Variants in CSMD1 observed in about 807,000 individuals in gnomAD.
The protein encoded by CSMD1 is CUB and sushi domain-containing protein 1.
A neutral mutation model predicts 417.5 loss-of-function variants in CSMD1; 213 were observed. The observed-to-expected ratio is 0.51, with a 90% CI of 0.46 to 0.57. CSMD1 has a LOEUF of 0.57. Ranked by LOEUF, CSMD1 falls within the 20% of genes least tolerant of loss-of-function variation. The pLI, the probability that CSMD1 is intolerant of heterozygous loss-of-function variation, is 0.00. For synonymous variants in CSMD1, 2,862 were observed against 1,736.8 expected, an observed-to-expected ratio of 1.65 and a Z score of -16.11; for missense variants, 6,923 against 4,529.7, an observed-to-expected ratio of 1.53 and a Z score of -15.17.
chr8:3,448,391 GAGGAAGGGAAGGAAGGAAGGA>G (rs1286988981), intron 12 of CSMD1, among the ~76,000 whole-genome samples: 1 of 129,504 alleles, frequency 7.7e-6, no homozygotes, highest in African/African-American at 2.9e-5. Flanking sequence ...GAGGAGGGAG[GAGGAAGGGAAGGAAGGAAGGA>G]AGGAAGGGAA....
chr8:3,897,107 A>G (rs1807422200), intron 5 of CSMD1, among the ~76,000 whole-genome samples: 1 of 152,196 alleles, frequency 6.6e-6, no homozygotes, highest in Admixed American at 6.5e-5. Flanking sequence ...GGATGTATTC[A>G]TGACAGCACT....
chr8:4,811,462 C>T (rs1435300831), intron 1 of CSMD1, among the ~76,000 whole-genome samples: 3 of 151,904 alleles, frequency 2.0e-5, no homozygotes, highest in Admixed American at 6.6e-5. Flanking sequence ...TAGAAGAATA[C>T]AACTTCAAAA....
chr8:4,124,479 A>T (rs906745918), intron 3 of CSMD1, among the ~76,000 whole-genome samples: 3 of 152,182 alleles, frequency 2.0e-5, no homozygotes, highest in Admixed American at 2.0e-4. Flanking sequence ...ACTTCTCTCC[A>T]CGGGGTGAAA....
At chr8:4,919,123 A>G (rs1032134507) in intron 1 of CSMD1, among the ~76,000 whole-genome samples, 18 of 152,370 alleles carry the variant, frequency 1.2e-4, no homozygotes, top group African/African-American at 3.8e-4. Flanking sequence ...CCTTACTTCT[A>G]TAAAGTTAGA....
At chr8:3,238,389 G>C (rs535288244) in intron 26 of CSMD1, among the ~76,000 whole-genome samples, 10 of 152,108 alleles carry the variant, frequency 6.6e-5, no homozygotes, top group African/African-American at 2.4e-4. Flanking sequence ...GCTTAGTTTG[G>C]GTTCAGAGGC....
intron 1 of CSMD1, among the ~76,000 whole-genome samples, chr8:4,908,945 G>A (rs553484562): frequency 2.8e-4 from 42 of 152,216 alleles, no homozygotes; most frequent in South Asian, 2.5e-3. Flanking sequence ...TGCCTCTTCC[G>A]AACGTGTTTT....
intron 12 of CSMD1, among the ~76,000 whole-genome samples, chr8:3,468,283 A>T (rs143209304): frequency 6.6e-6 from 1 of 152,218 alleles, no homozygotes; most frequent in African/African-American, 2.4e-5. Context: ...TGACAGGCAC[A>T]GGGCTTTCAT....
At chr8:3,067,357 A>C (rs139134849) in intron 49 of CSMD1, among the ~76,000 whole-genome samples, 2 of 152,118 alleles carry the variant, frequency 1.3e-5, no homozygotes, top group African/African-American at 4.8e-5. Context: ...CACTCCAAGC[A>C]TAGCCATCTC....
At position 2,962,685 on chromosome 8, in the gene CSMD1, T is replaced by A. The variant is rs369604093; in HGVS notation, c.9455-46A>T. The A allele has an allele frequency of 4.4e-6, 7 of 1,579,266 alleles. No individual in the cohort carries two copies. The African/African-American group carries it at 9.5e-5, about 21-fold the overall frequency. On this transcript the variant is annotated intron_variant, in intron 60 of 69. Transcript: ENST00000635120. ...GAAGTCAGCCTTCAACGTCCCTGGA[T>A]CAGCTTCACCAATTGAGCTTGGTAA...
intron 26 of CSMD1, among the ~76,000 whole-genome samples, chr8:3,255,234 T>A (rs1021182266): frequency 1.8e-4 from 28 of 152,158 alleles, no homozygotes; most frequent in African/African-American, 6.3e-4. Context: ...TCTGGAAGTT[T>A]TTCTCAGGGG....
chr8:3,392,663 T>G (rs923743883), intron 17 of CSMD1, among the ~76,000 whole-genome samples: 1 of 152,112 alleles, frequency 6.6e-6, no homozygotes, highest in South Asian at 2.1e-4. Context: ...AGCTCAGGAT[T>G]CTGATTTTCA....
chr8:3,292,937 T>G (rs1255838335), intron 25 of CSMD1, among the ~76,000 whole-genome samples: 1 of 152,148 alleles, frequency 6.6e-6, no homozygotes, highest in Non-Finnish European at 1.5e-5. Context: ...GTCTTTACAT[T>G]TTGGCATGAT....
intron 3 of CSMD1, among the ~76,000 whole-genome samples, chr8:4,209,770 A>C (rs1800198952): frequency 2.0e-5 from 3 of 152,202 alleles, no homozygotes. Context: ...ACCATAGGCC[A>C]TGTGCCCAGA....
rs1819184279 is a variant in CSMD1, at chr8:3,151,385, A to G, written c.6031+12T>C. ...AAATGAACTTTTAGGAATTGGTAACATTTTCACTTACCATAGCCGATGGGT... is the reference window on the plus strand; with the variant it reads ...AAATGAACTTTTAGGAATTGGTAACGTTTTCACTTACCATAGCCGATGGGT... On this transcript the variant is annotated intron_variant, in intron 40 of 69. Coordinates refer to ENST00000635120, the MANE Select transcript of CSMD1 (RefSeq NM_033225.6). The G allele has an allele frequency of 6.4e-7, 1 of 1,555,080 alleles. No homozygotes were observed. The highest frequency in any genetic ancestry group is 1.7e-5 in the Admixed American group (1 of 59,104).
chr8:4,163,207 T>G lies in CSMD1; in HGVS notation c.416-131108A>C, dbSNP rs908726676. 3.9e-5 allele frequency among the ~76,000 whole-genome samples: 6 copies of G among 152,156 alleles called. 1 individual carries two copies. The highest frequency in any genetic ancestry group is 7.3e-5 in the Non-Finnish European group (5 of 68,034). On this transcript the variant is annotated intron_variant, in intron 3 of 69. Transcript: ENST00000635120. ...CTTCTAAAAACATCCCTTGGCAGGT[T>G]TTTCAGTACACGTAAGTTTTTAGCT...
At chr8:4,842,718 A>G (rs1374613749) in intron 1 of CSMD1, among the ~76,000 whole-genome samples, 1 of 152,242 alleles carries the variant, frequency 6.6e-6, no homozygotes, top group Admixed American at 6.5e-5. Flanking sequence ...ATGCTACTAG[A>G]ACAAAAGAGT....
chr8:4,077,895 C>T (rs1799918528), intron 3 of CSMD1, among the ~76,000 whole-genome samples: 1 of 152,078 alleles, frequency 6.6e-6, no homozygotes, highest in South Asian at 2.1e-4. Flanking sequence ...CCCAATATAG[C>T]AATGTCCTTC....
At chr8:3,203,490 A>G (rs1371072109) in intron 31 of CSMD1, among the ~76,000 whole-genome samples, 2 of 152,216 alleles carry the variant, frequency 1.3e-5, no homozygotes, top group Admixed American at 1.3e-4. Flanking sequence ...GGATGGCACT[A>G]TCAGCAAGAA....
At chr8:4,795,461 G>A (rs1402993349) in intron 1 of CSMD1, among the ~76,000 whole-genome samples, 1 of 151,098 alleles carries the variant, frequency 6.6e-6, no homozygotes, top group Non-Finnish European at 1.5e-5. Flanking sequence ...TAGTAGAGAT[G>A]GGGTTTCACC....
Sources: allele counts gnomAD v4.1 joint callset (sites outside exome capture counted in the v4.1 genomes callset), GRCh38; gene constraint gnomAD v4.1.1; transcripts MANE v1.5; gene names NCBI Gene and HGNC (gene_info 2026-07-23, HGNC 2026-07-21).